Variants in ZNF250 observed in about 807,000 individuals in gnomAD.
The protein encoded by ZNF250 is zinc finger protein (clone 647).
Under a neutral mutation model 37.1 loss-of-function variants are expected in ZNF250, and 13 were observed. That is an observed-to-expected ratio of 0.35 (90% CI 0.23 to 0.56). The LOEUF (loss-of-function observed/expected upper bound fraction) is 0.56. Among genes scored for constraint, ZNF250 ranks in the 20% least tolerant of loss-of-function variants. The probability of loss-of-function intolerance (pLI) is 0.87; values close to 1 mark genes in which losing one functional copy is unlikely to be tolerated. For synonymous variants in ZNF250, 251 were observed against 265.6 expected (o/e 0.94, Z 0.54); for missense variants, 474 against 697.9 (o/e 0.68, Z 3.61).
chr8:144,881,653 G>A lies in ZNF250; in HGVS notation c.1530C>T (p.Ala510=). ...KPYECNSCGK[A]FSQYSVLIQH... Reference sequence around the variant, plus strand: ...GGATGAGCACTGAGTACTGGCTGAAGGCCTTCCCGCAGCTATTGCACTCAT... The same window carrying A: ...GGATGAGCACTGAGTACTGGCTGAAAGCCTTCCCGCAGCTATTGCACTCAT... Residue 510 remains alanine, a synonymous_variant, in exon 6 of 6, where the codon GCC becomes GCT. Transcript: ENST00000417550. 2 of 1,613,998 alleles carry A rather than the reference G, an allele frequency of 1.2e-6. No individual in the cohort carries two copies. Among genetic ancestry groups the A allele is most frequent in the Non-Finnish European group, 1.7e-6 (2 of 1,179,958 alleles).
intron 1 of ZNF250, among the ~76,000 whole-genome samples, chr8:144,898,163 G>A (rs1167713672): frequency 2.0e-5 from 3 of 152,082 alleles, no homozygotes; most frequent in African/African-American, 7.2e-5. Context: ...TGGGTGTGGT[G>A]GCACGTGCCT....
rs1042452971 is a variant in ZNF250 at position 144,891,682 on chromosome 8, GT to G, written c.-54-1280del. On this transcript the variant is annotated intron_variant, in intron 1 of 5. Transcript: ENST00000417550. This position sits in a 1 kb window ranked among gnomAD's most constrained non-coding sequence, Gnocchi z 4.0. ...GCCATGACCAACATGGGGAAACCCC[GT>G]CTCTACTAAAAACACAAAATTAGCC... Among the ~76,000 whole-genome samples the G allele has an allele frequency of 3.9e-5, 6 of 152,170 alleles. No individual in the cohort carries two copies. Among genetic ancestry groups the G allele is most frequent in the African/African-American group, 1.4e-4 (6 of 41,442 alleles).
intron 5 of ZNF250, 88 bp downstream of exon 5, chr8:144,886,752 C>A: frequency 1.7e-6 from 2 of 1,193,598 alleles, no homozygotes; most frequent in Non-Finnish European, 2.5e-6. Context: ...CGCTTCATAG[C>A]ACCGAGTCGC....
chr8:144,901,715 G>A (rs1833120924), upstream of ZNF250: 1 of 152,272 alleles, frequency 6.6e-6, no homozygotes, highest in Admixed American at 6.5e-5. This position sits in a 1 kb window ranked among gnomAD's most constrained non-coding sequence, Gnocchi z 5.4. Context: ...CGCACTTCCG[G>A]GCGCGGAGGT....
intron 4 of ZNF250, 73 bp from the exon 5 acceptor site, chr8:144,886,975 G>A: frequency 7.4e-7 from 1 of 1,358,302 alleles, no homozygotes; most frequent in Non-Finnish European, 1.1e-6. Context: ...GGCCGGGCAT[G>A]GTGGCTCACG....
At chr8:144,888,958 C>A (rs538057471) in intron 4 of ZNF250, among the ~76,000 whole-genome samples, 1 of 152,214 alleles carries the variant, frequency 6.6e-6, no homozygotes, top group Non-Finnish European at 1.5e-5. Flanking sequence ...TTAGTAGAGA[C>A]AGGGTTTCAC....
chr8:144,887,497 A>G (rs900640901), intron 4 of ZNF250, among the ~76,000 whole-genome samples: 3 of 152,078 alleles, frequency 2.0e-5, no homozygotes, highest in Non-Finnish European at 4.4e-5. Context: ...TCTAAAACTC[A>G]GTCCCATCGT....
intron 5 of ZNF250, among the ~76,000 whole-genome samples, chr8:144,884,459 G>A (rs1040207467): frequency 6.6e-6 from 1 of 151,794 alleles, no homozygotes; most frequent in Admixed American, 6.6e-5. Flanking sequence ...TCACCATGTT[G>A]GCCAGGATGG....
Position 144,882,543 on chromosome 8 carries a change from G to T in ZNF250, c.640C>A (p.Arg214Ser). Residue 214 changes from arginine (R) to serine (S), a missense_variant, in exon 6 of 6, where the codon CGT (arginine) becomes AGT (serine). Physicochemically the swap from Arg to Ser is moderately radical, Grantham distance 110. Transcript: ENST00000417550. This position sits in a 1 kb window ranked among gnomAD's most constrained non-coding sequence, Gnocchi z 5.5. ...TAGGGCTTCTCTCCAGTGTGGATAC[G>T]CTGATGCTGAAGGAGGTGGGAACTC... Reference protein sequence around the residue: ...GRSSHLLQHQRIHTGEKPYVC... With the variant: ...GRSSHLLQHQSIHTGEKPYVC... 6.2e-7 allele frequency: 1 copy of T among 1,614,112 alleles called. No individual in the cohort carries two copies. Among genetic ancestry groups the T allele is most frequent in the Non-Finnish European group, 8.5e-7 (1 of 1,180,036 alleles).
At chr8:144,887,879 C>T (rs1832006442) in intron 4 of ZNF250, among the ~76,000 whole-genome samples, 1 of 152,174 alleles carries the variant, frequency 6.6e-6, no homozygotes, top group South Asian at 2.1e-4. Context: ...TTTTGCAGGC[C>T]AGTAAGAGGT....
At chr8:144,885,935 G>A (rs561705670) in intron 5 of ZNF250, among the ~76,000 whole-genome samples, 11 of 151,706 alleles carry the variant, frequency 7.3e-5, no homozygotes, top group Admixed American at 2.0e-4. Context: ...GTGAAACCCC[G>A]TCTCTACAAA....
At position 144,897,472 on chromosome 8, in the gene ZNF250, C is replaced by T. The variant is rs1005507254; in HGVS notation, c.-55+3927G>A. Among the ~76,000 whole-genome samples the T allele has an allele frequency of 3.3e-5, 5 of 152,174 alleles. No individual in the cohort carries two copies. The highest frequency in any genetic ancestry group is 4.8e-5 in the African/African-American group (2 of 41,442). ...GAATTAATGATCAGAAATATGTATC[C>T]AAATTGATAGCTTTCTGGTCGGGCA... On this transcript the variant is annotated intron_variant, in intron 1 of 5. Transcript: ENST00000417550. The surrounding 1 kb of genome is among the most constrained non-coding windows in gnomAD (Gnocchi z 5.2).
At chr8:144,899,446 T>C (rs1169244916) in intron 1 of ZNF250, among the ~76,000 whole-genome samples, 2 of 152,214 alleles carry the variant, frequency 1.3e-5, no homozygotes, top group Non-Finnish European at 2.9e-5. Context: ...TACCCTGATT[T>C]GATCATTATA....
At chr8:144,887,252 CAAAAAAAAAAAA>C (rs56677445) in intron 4 of ZNF250, among the ~76,000 whole-genome samples, 14 of 63,082 alleles carry the variant, frequency 2.2e-4, no homozygotes, top group South Asian at 6.5e-4. Flanking sequence ...CTCCGTCTCT[CAAAAAAAAAAAA>C]AAAAAAAAAA....
Position 144,891,160 on chromosome 8 carries a change from G to C in ZNF250, c.-54-757C>G, listed in dbSNP as rs1193065271. Among the ~76,000 whole-genome samples, 1 of 152,146 alleles carries C rather than the reference G, an allele frequency of 6.6e-6. No homozygotes were observed. The highest frequency in any genetic ancestry group is 2.4e-5 in the African/African-American group (1 of 41,422). The stretch of plus-strand genomic sequence containing the variant: ...GGGGGAGCGGGGCAAGAGCTTTCCT[G>C]ACACATTTGGTCCTGTACAGGATAG... On this transcript the variant is annotated intron_variant, in intron 1 of 5. Coordinates refer to ENST00000417550, the MANE Select transcript of ZNF250 (RefSeq NM_001109689.4). This position sits in a 1 kb window ranked among gnomAD's most constrained non-coding sequence, Gnocchi z 4.0.
chr8:144,882,874 C>T lies in ZNF250; in HGVS notation c.347-38G>A, dbSNP rs1211073499. ...ATCCAAAATGAAAATGTTAACACTA[C>T]TCAAAACTGAAGAGCTAGTGCAACC... is the stretch of plus-strand genomic sequence containing the variant. On this transcript the variant is annotated intron_variant, in intron 5 of 5. Transcript: ENST00000417550. This position sits in a 1 kb window ranked among gnomAD's most constrained non-coding sequence, Gnocchi z 5.5. The T allele has an allele frequency of 3.2e-6, 5 of 1,567,914 alleles. No individual in the cohort carries two copies. Among genetic ancestry groups the T allele is most frequent in the Non-Finnish European group, 4.3e-6 (5 of 1,158,564 alleles).
chr8:144,887,143 G>A (rs973567661), intron 4 of ZNF250, among the ~76,000 whole-genome samples: 2 of 150,874 alleles, frequency 1.3e-5, no homozygotes, highest in African/African-American at 2.4e-5. Context: ...CCCACTACTA[G>A]GGAAGCTGAG....
chr8:144,885,172 T>A (rs183237293), intron 5 of ZNF250, among the ~76,000 whole-genome samples: 55 of 152,328 alleles, frequency 3.6e-4, no homozygotes, highest in Admixed American at 9.8e-4. Flanking sequence ...CAGGCTGGAG[T>A]GCAATGGCAC....
chr8:144,890,419 G>T lies in ZNF250; in HGVS notation c.-54-16C>A. On this transcript the variant is annotated splice_polypyrimidine_tract_variant and intron_variant, in intron 1 of 5. Coordinates refer to ENST00000417550, the MANE Select transcript of ZNF250 (RefSeq NM_001109689.4). This position sits in a 1 kb window ranked among gnomAD's most constrained non-coding sequence, Gnocchi z 5.1. ...GCCTATGGGGCTGAGGAAGAGGAGG[G>T]GGCAAGTGAGGGGCATGGCCTTGAG... 4.3e-6 allele frequency: 6 copies of T among 1,384,482 alleles called. No individual in the cohort carries two copies. Among genetic ancestry groups the T allele is most frequent in the Non-Finnish European group, 5.7e-6 (6 of 1,056,014 alleles). 85.8% of individuals were successfully genotyped at this position (1,384,482 alleles called of 1,614,324 possible).
Sources: gnomAD v4.1 joint callset for allele counts (sites outside exome capture counted in the v4.1 genomes callset) on GRCh38, gnomAD v4.1.1 for gene constraint, Gnocchi (gnomAD v3.1) non-coding constraint, MANE v1.5 for transcripts, NCBI Gene and HGNC (gene_info 2026-07-23, HGNC 2026-07-21) for gene names.